GANC: variants seen among roughly 807,000 people sequenced by gnomAD.
GANC encodes the protein neutral alpha-glucosidase C.
A neutral mutation model predicts 124.2 loss-of-function variants in GANC; 117 were observed. That is an observed-to-expected ratio of 0.94 (90% CI 0.81 to 1.10). The LOEUF is 1.10. GANC is among the 50% of genes least tolerant of loss of function. GANC has a pLI of 0.00. For synonymous variants in GANC, 377 were observed against 376.8 expected (o/e 1.00, Z -0.01); for missense variants, 1,140 against 1,095.0 (o/e 1.04, Z -0.58).
At chr15:42,334,596 G>A (rs1241751558) in intron 15 of GANC, among the ~76,000 whole-genome samples, 1 of 152,002 alleles carries the variant, frequency 6.6e-6, no homozygotes, top group Non-Finnish European at 1.5e-5. Flanking sequence ...CAAAGACATT[G>A]GTAAGAAAAT....
intron 15 of GANC, among the ~76,000 whole-genome samples, chr15:42,337,182 G>A (rs893209423): frequency 5.3e-5 from 8 of 152,134 alleles, no homozygotes; most frequent in South Asian, 2.1e-4. Flanking sequence ...ACACATGCGC[G>A]TGTATGTTTA....
chr15:42,313,978 A>AC (rs61465419), intron 10 of GANC: 6 of 664,572 alleles, frequency 9.0e-6, no homozygotes, highest in South Asian at 6.6e-5. Context: ...AACAACAACA[A>AC]AATTAATGTA....
At chr15:42,290,617 G>A (rs926314139) in intron 4 of GANC, among the ~76,000 whole-genome samples, 2 of 152,032 alleles carry the variant, frequency 1.3e-5, no homozygotes, top group African/African-American at 2.4e-5. Context: ...AGACCAGACT[G>A]GACAACAAAG....
rs894797390 is a variant in GANC at position 42,350,753 on chromosome 15, G to A, written c.2532-576G>A. 2.7e-5 allele frequency among the ~76,000 whole-genome samples: 4 copies of A among 149,942 alleles called. No individual in the cohort carries two copies. In the South Asian group the frequency reaches 6.3e-4, roughly 24 times the overall value. On this transcript the variant is annotated intron_variant, in intron 22 of 23. Transcript: ENST00000318010. ...ATTTTTTTAGTAGAGACGGGGTTTCGTCATGTTGGGCAGGCTGGTCTCGAA... is the reference window on the plus strand; with the variant it reads ...ATTTTTTTAGTAGAGACGGGGTTTCATCATGTTGGGCAGGCTGGTCTCGAA...
chr15:42,345,898 C>G (rs973828200), intron 20 of GANC, 66 bp downstream of exon 20: 2 of 1,076,420 alleles, frequency 1.9e-6, no homozygotes, highest in African/African-American at 3.2e-5. Context: ...GCTGCCATGA[C>G]AAAATACCAC....
At chr15:42,324,295 G>A (rs918752091) in intron 11 of GANC, among the ~76,000 whole-genome samples, 5 of 152,076 alleles carry the variant, frequency 3.3e-5, no homozygotes, top group Non-Finnish European at 7.4e-5. Context: ...GTGTTGGCAA[G>A]GATGTAGAGA....
At chr15:42,304,413 T>C (rs2051974418) in intron 6 of GANC, among the ~76,000 whole-genome samples, 1 of 152,192 alleles carries the variant, frequency 6.6e-6, no homozygotes, top group Non-Finnish European at 1.5e-5. Context: ...TTACAAGGGA[T>C]GTAAAGGACC....
At chr15:42,291,711 A>C (rs899361946) in intron 4 of GANC, among the ~76,000 whole-genome samples, 2 of 152,204 alleles carry the variant, frequency 1.3e-5, no homozygotes, top group Non-Finnish European at 2.9e-5. Flanking sequence ...CAAGGTGAAC[A>C]TAATTCCATT....
chr15:42,327,600 G>C, intron 13 of GANC, 158 bp downstream of exon 13: 1 of 602,924 alleles, frequency 1.7e-6, no homozygotes, highest in African/African-American at 1.9e-5. Context: ...GACTCTGGGG[G>C]TGCTGGGAGA....
At chr15:42,313,866 C>G in intron 10 of GANC, 1 of 568,766 alleles carries the variant, frequency 1.8e-6, no homozygotes, top group South Asian at 2.2e-5. Flanking sequence ...AAGTAATCCT[C>G]TGCCTTGCTT....
intron 20 of GANC, among the ~76,000 whole-genome samples, chr15:42,347,879 G>T (rs2141082775): frequency 6.6e-6 from 1 of 152,266 alleles, no homozygotes; most frequent in South Asian, 2.1e-4. Context: ...TGAAGGGTGG[G>T]AAGTTTCCCT....
At chr15:42,304,831 C>T (rs1264992328) in intron 6 of GANC, among the ~76,000 whole-genome samples, 1 of 152,146 alleles carries the variant, frequency 6.6e-6, no homozygotes, top group Non-Finnish European at 1.5e-5. Flanking sequence ...ACCACCTGAT[C>T]TTTGACAACC....
In GANC at chr15:42,273,354, C is replaced by T. The variant is rs768540778; in HGVS notation, c.-1128C>T. ...GTGGTGACGGGTGAGCTCCCAGAAG[C>T]AGAAGAATGACAGGCAACACCTGAA... On this transcript the variant is annotated 5_prime_UTR_variant, in exon 1 of 24. Coordinates refer to ENST00000318010, the MANE Select transcript of GANC (RefSeq NM_198141.3). 1 of 1,614,054 alleles carries T rather than the reference C, an allele frequency of 6.2e-7. No individual in the cohort carries two copies. The highest frequency in any genetic ancestry group is 8.5e-7 in the Non-Finnish European group (1 of 1,180,058).
chr15:42,296,263 T>G (rs2051890292), intron 5 of GANC, among the ~76,000 whole-genome samples: 1 of 152,224 alleles, frequency 6.6e-6, no homozygotes, highest in Non-Finnish European at 1.5e-5. Flanking sequence ...TGTCTGAAAT[T>G]AATATATCTA....
chr15:42,352,654 C>T lies in GANC; in HGVS notation c.*515C>T. ...TCTTCTGTGTGCACTGCATACGCTG[C>T]AGCCGTGGGAGTTATTCTCCCCTAG... is the stretch of plus-strand genomic sequence containing the variant. On this transcript the variant is annotated 3_prime_UTR_variant, in exon 24 of 24. Transcript: ENST00000318010. The T allele has an allele frequency of 1.0e-6, 1 of 986,604 alleles. No homozygotes were observed. Among genetic ancestry groups the T allele is most frequent in the Non-Finnish European group, 1.2e-6 (1 of 830,390 alleles). 61.1% of individuals were successfully genotyped at this position (986,604 alleles called of 1,614,324 possible).
At chr15:42,334,079 C>G (rs567776320) in intron 15 of GANC, among the ~76,000 whole-genome samples, 1 of 152,136 alleles carries the variant, frequency 6.6e-6, no homozygotes, top group African/African-American at 2.4e-5. Context: ...CTACCTCATA[C>G]CATATTCAAA....
At chr15:42,335,034 A>G (rs1331529758) in intron 15 of GANC, among the ~76,000 whole-genome samples, 1 of 152,184 alleles carries the variant, frequency 6.6e-6, no homozygotes, top group Non-Finnish European at 1.5e-5. Flanking sequence ...GTTTTACCAG[A>G]TGTACAAAGG....
At chr15:42,320,191 A>G (rs1451091748) in intron 10 of GANC, among the ~76,000 whole-genome samples, 2 of 63,344 alleles carry the variant, frequency 3.2e-5, no homozygotes, top group Non-Finnish European at 8.0e-5. Context: ...TTAAAAATAA[A>G]TTAATTAATT....
chr15:42,281,134 G>T (rs1227039758), intron 3 of GANC: 2 of 702,156 alleles, frequency 2.8e-6, no homozygotes, highest in Non-Finnish European at 5.2e-6. Context: ...CCATGCTCAG[G>T]TATTAGAAAT....
Sources: gnomAD v4.1 joint callset for allele counts (sites outside exome capture counted in the v4.1 genomes callset) on GRCh38, gnomAD v4.1.1 for gene constraint, MANE v1.5 for transcripts, NCBI Gene and HGNC (gene_info 2026-07-23, HGNC 2026-07-21) for gene names.